The following BRAF variants were observed in gnomAD, a reference collection of about 807,000 sequenced individuals.
The protein encoded by BRAF is B-Raf proto-oncogene, serine/threonine kinase.
BRAF carries 16 observed loss-of-function variants against 104.6 expected under a neutral mutation model. The ratio of observed to expected loss-of-function variants is 0.15; its 90% CI spans 0.10 to 0.23. The LOEUF (loss-of-function observed/expected upper bound fraction) is 0.23, where lower values mean the gene tolerates loss of function less well. BRAF is among the 10% of genes least tolerant of loss of function. BRAF has a pLI of 1.00. For missense variants in BRAF, 541 were observed against 937.3 expected, an observed-to-expected ratio of 0.58 and a Z score of 5.52; for synonymous variants, 310 against 341.6, an observed-to-expected ratio of 0.91 and a Z score of 1.02.
chr7:140,862,798 C>T (rs1372533023), intron 1 of BRAF, among the ~76,000 whole-genome samples: 4 of 151,996 alleles, frequency 2.6e-5, no homozygotes, highest in Admixed American at 2.0e-4. Flanking sequence ...CAATGTACTG[C>T]GGTGATGGCT....
At chr7:140,848,124 T>C (rs1235806932) in intron 2 of BRAF, among the ~76,000 whole-genome samples, 3 of 152,188 alleles carry the variant, frequency 2.0e-5, no homozygotes, top group Non-Finnish European at 4.4e-5. Flanking sequence ...AAAAGGTCCA[T>C]AAATTATGTT....
intron 14 of BRAF, among the ~76,000 whole-genome samples, chr7:140,775,261 A>T (rs1472120059): frequency 1.3e-5 from 2 of 152,086 alleles, no homozygotes; most frequent in Non-Finnish European, 2.9e-5. Context: ...TTGCAAAGAG[A>T]CCAGTGGTGT....
intron 1 of BRAF, among the ~76,000 whole-genome samples, chr7:140,891,613 G>A (rs1382990327): frequency 6.6e-6 from 1 of 152,038 alleles, no homozygotes; most frequent in Admixed American, 6.6e-5. Flanking sequence ...TTTTGGGTGG[G>A]GCAATTCTTT....
Position 140,924,609 on chromosome 7 carries a change from C to T in BRAF, c.95G>A (p.Gly32Asp), listed in dbSNP as rs730880417. The change falls in exon 1 of 20, where the codon GGC becomes GAC. Residue 32 changes from glycine to aspartate, a missense_variant. Around this residue, in one of 10 missense-constraint regions of BRAF, gnomAD observed 82 missense variants for 65.9 expected, o/e 1.24. Transcript: ENST00000644969. This position sits in a 1 kb window ranked among gnomAD's most constrained non-coding sequence, Gnocchi z 4.2. ...GTCCGCAGCCGAAGAGGCCGCGGCG[C>T]CGGCGCCGGCGCCGGCCTCGGGCTC... ...DMEPEAGAGA[G>D]AAASSAADPA... is the part of the protein sequence containing the mutation. 1.3e-6 allele frequency: 2 copies of T among 1,526,850 alleles called. No individual in the cohort carries two copies. Among genetic ancestry groups the T allele is most frequent in the Non-Finnish European group, 1.7e-6 (2 of 1,142,966 alleles). 94.6% of individuals were successfully genotyped at this position (1,526,850 alleles called of 1,614,324 possible).
rs574087808 is a variant in BRAF at position 140,776,695 on chromosome 7, T to C, written c.1814+217A>G. Among the ~76,000 whole-genome samples the C allele has an allele frequency of 1.4e-4, 21 of 152,332 alleles. 1 individual carries two copies. The highest frequency in any genetic ancestry group is 4.8e-4 in the African/African-American group (20 of 41,576). On this transcript the variant is annotated intron_variant, in intron 14 of 19. Coordinates refer to ENST00000644969, the MANE Select transcript of BRAF (RefSeq NM_001374258.1). The stretch of plus-strand genomic sequence containing the variant: ...TGCTAAGCCTAAGTTTGCAGTCATG[T>C]ATTTATTATCAAATACTTGATATAT...
chr7:140,725,108 A>C lies in BRAF; in HGVS notation c.*1386T>G. 3 of 1,043,310 alleles carry C rather than the reference A, an allele frequency of 2.9e-6. No individual in the cohort carries two copies. Among genetic ancestry groups the C allele is most frequent in the Non-Finnish European group, 3.5e-6 (3 of 865,430 alleles). The allele number at this position is 1,043,310 out of a possible 1,614,324, so 64.6% of individuals were successfully genotyped here. A position where few individuals can be genotyped will look rare whatever the true frequency, so the allele number is the denominator to read the frequency against. On this transcript the variant is annotated 3_prime_UTR_variant, in exon 20 of 20. Transcript: ENST00000644969. ...TGCCAAATTGCCCAACCTTTTGAAG[A>C]CCAGGCTTGGGAAAAAAGGAAGAAG...
intron 14 of BRAF, among the ~76,000 whole-genome samples, chr7:140,770,310 A>G (rs903540857): frequency 4.6e-5 from 7 of 152,138 alleles, no homozygotes; most frequent in Non-Finnish European, 1.5e-5. Context: ...GGGTTCACTT[A>G]TGAGTAAAAG....
At chr7:140,821,120 T>A (rs903704502) in intron 3 of BRAF, among the ~76,000 whole-genome samples, 9 of 151,630 alleles carry the variant, frequency 5.9e-5, no homozygotes, top group African/African-American at 1.9e-4. Flanking sequence ...GTCTCCCAAG[T>A]AGCTGGGGCT....
chr7:140,810,418 A>G (rs1804127348), intron 3 of BRAF, among the ~76,000 whole-genome samples: 1 of 152,130 alleles, frequency 6.6e-6, no homozygotes, highest in Non-Finnish European at 1.5e-5. Flanking sequence ...AAAAACACAA[A>G]AAGTAGCCGG....
At chr7:140,896,842 T>C in intron 1 of BRAF, among the ~76,000 whole-genome samples, 1 of 112,202 alleles carries the variant, frequency 8.9e-6, no homozygotes, top group Admixed American at 1.4e-4. Context: ...CCAGCCTGGG[T>C]GACAGAGCGA....
chr7:140,851,370 G>A (rs538529621), intron 1 of BRAF, among the ~76,000 whole-genome samples: 1 of 151,998 alleles, frequency 6.6e-6, no homozygotes, highest in Non-Finnish European at 1.5e-5. Context: ...TAGAAATTAT[G>A]GCCTTTTAAA....
intron 7 of BRAF, among the ~76,000 whole-genome samples, chr7:140,795,358 TAGATG>T (rs1451051030): frequency 6.6e-6 from 1 of 152,192 alleles, no homozygotes; most frequent in Non-Finnish European, 1.5e-5. Context: ...TGTCACTTGA[TAGATG>T]AGGTAAGCTG....
intron 8 of BRAF, among the ~76,000 whole-genome samples, chr7:140,789,922 G>A (rs1461290127): frequency 1.3e-5 from 2 of 152,150 alleles, no homozygotes; most frequent in Non-Finnish European, 2.9e-5. Context: ...TAGAGATGGG[G>A]TTTCATCATG....
chr7:140,907,620 T>C (rs1816471199), intron 1 of BRAF, among the ~76,000 whole-genome samples: 1 of 151,832 alleles, frequency 6.6e-6, no homozygotes. Context: ...GAGTGCAGTG[T>C]GGCACAATCA....
At chr7:140,911,763 A>T (rs1817007810) in intron 1 of BRAF, among the ~76,000 whole-genome samples, 2 of 152,344 alleles carry the variant, frequency 1.3e-5, no homozygotes, top group South Asian at 2.1e-4. Flanking sequence ...AAATTTTTTT[A>T]AAAGAAAAGC....
rs1006628705 is a variant in BRAF, at chr7:140,814,686, T to C, written c.505-5691A>G. On this transcript the variant is annotated intron_variant, in intron 3 of 19. Coordinates refer to ENST00000644969, the MANE Select transcript of BRAF (RefSeq NM_001374258.1). ...TCTCAAAAAATATATATATATAAAA[T>C]TCATATAATTTATACTTTATATATA... 4.1e-5 allele frequency among the ~76,000 whole-genome samples: 6 copies of C among 147,042 alleles called. No individual in the cohort carries two copies. The East Asian group carries it at 7.8e-4, about 19-fold the overall frequency.
At chr7:140,759,489 T>A (rs1449392531) in intron 14 of BRAF, among the ~76,000 whole-genome samples, 1 of 152,188 alleles carries the variant, frequency 6.6e-6, no homozygotes, top group Non-Finnish European at 1.5e-5. Context: ...CGGGTTCAAG[T>A]GATTCTCCCG....
chr7:140,758,128 T>C (rs1386208572), intron 14 of BRAF: 2 of 152,210 alleles, frequency 1.3e-5, no homozygotes, highest in African/African-American at 2.4e-5. Context: ...GTCAGCCCTC[T>C]TTCACCTAAT....
At chr7:140,918,760 C>T (rs1408987530) in intron 1 of BRAF, among the ~76,000 whole-genome samples, 1 of 152,144 alleles carries the variant, frequency 6.6e-6, no homozygotes, top group Non-Finnish European at 1.5e-5. Flanking sequence ...ATTTTAGTAC[C>T]TATGTGCCAG....
Sources: allele counts gnomAD v4.1 joint callset (sites outside exome capture counted in the v4.1 genomes callset), GRCh38; gene constraint gnomAD v4.1.1; regional missense constraint gnomAD v4.1.1; non-coding constraint Gnocchi (gnomAD v3.1); transcripts MANE v1.5; gene names NCBI Gene and HGNC (gene_info 2026-07-23, HGNC 2026-07-21).